The following SGCZ variants were observed in gnomAD, a reference collection of about 807,000 sequenced individuals.
SGCZ encodes zeta-sarcoglycan.
A neutral mutation model predicts 41.3 loss-of-function variants in SGCZ; 40 were observed. The observed-to-expected ratio is 0.97, with a 90% confidence interval of 0.75 to 1.26. The LOEUF (loss-of-function observed/expected upper bound fraction) is 1.26. Ranked by LOEUF, SGCZ falls within the 50% of genes most tolerant of loss-of-function variation. The probability of loss-of-function intolerance (pLI) is 0.00; values close to 1 mark genes in which losing one functional copy is unlikely to be tolerated. For missense variants in SGCZ, 552 were observed against 369.8 expected (o/e 1.49, Z -4.04); for synonymous variants, 206 against 137.5 (o/e 1.50, Z -3.49).
chr8:15,137,808 C>G (rs1414704859), intron 1 of SGCZ, among the ~76,000 whole-genome samples: 2 of 152,232 alleles, frequency 1.3e-5, no homozygotes, highest in Non-Finnish European at 1.5e-5. Flanking sequence ...TGGAGAACCT[C>G]TGCTAGGACA....
rs199830070 is a variant in SGCZ, at chr8:14,164,695, A to G, written c.432T>C (p.Asp144=). The G allele has an allele frequency of 6.2e-7, 1 of 1,613,516 alleles. No homozygotes were observed. Among genetic ancestry groups the G allele is most frequent in the East Asian group, 2.2e-5 (1 of 44,862 alleles). The change falls in exon 5 of 8, where the codon GAT becomes GAC. Residue 144 remains aspartate, a synonymous_variant. Transcript: ENST00000382080. ...QLTGQLTIGA[D]AVEAQCKRFE... ...ATCTTTTACACTGAGCTTCCACAGC[A>G]TCAGCTCCTATGGTCAGAGGAAAGG...
At chr8:14,801,008 G>A (rs1243837523) in intron 1 of SGCZ, among the ~76,000 whole-genome samples, 4 of 152,150 alleles carry the variant, frequency 2.6e-5, no homozygotes, top group Non-Finnish European at 5.9e-5. Flanking sequence ...CGAATACCAG[G>A]TTAACTTTAT....
chr8:14,963,810 CCTCTGTAGGAGAGAT>C (rs1024444613), intron 1 of SGCZ, among the ~76,000 whole-genome samples: 2 of 152,170 alleles, frequency 1.3e-5, no homozygotes, highest in African/African-American at 4.8e-5. Flanking sequence ...ACTGTTTATT[CCTCTGTAGGAGAGAT>C]CACTCATTGC....
At chr8:14,997,896 G>A (rs946427827) in intron 1 of SGCZ, among the ~76,000 whole-genome samples, 1 of 152,028 alleles carries the variant, frequency 6.6e-6, no homozygotes, top group African/African-American at 2.4e-5. Context: ...GGAGGCGGAG[G>A]TTGCAGTGAG....
intron 1 of SGCZ, among the ~76,000 whole-genome samples, chr8:15,141,374 T>C (rs550241921): frequency 6.6e-6 from 1 of 152,368 alleles, no homozygotes; most frequent in East Asian, 1.9e-4. Flanking sequence ...GTATAAATTC[T>C]TAGGGCGTCA....
rs571453397 is a variant in SGCZ, at chr8:15,081,955, A to C, written c.39+155630T>G. 4.6e-5 allele frequency among the ~76,000 whole-genome samples: 7 copies of C among 152,358 alleles called. No individual in the cohort carries two copies. In the East Asian group the frequency reaches 7.7e-4, roughly 17 times the overall value. ...GTTGAGATACTATAATGTCCTGTAC[A>C]GTTCTTTAGATTTGTTGCTTTTATT... On this transcript the variant is annotated intron_variant, in intron 1 of 7. Coordinates refer to ENST00000382080, the MANE Select transcript of SGCZ (RefSeq NM_139167.4).
chr8:14,819,394 T>C (rs1802004657), intron 1 of SGCZ, among the ~76,000 whole-genome samples: 1 of 152,164 alleles, frequency 6.6e-6, no homozygotes, highest in Admixed American at 6.5e-5. Context: ...CTTAAGCACT[T>C]TGTATATATC....
chr8:14,380,609 T>A (rs942777623), intron 2 of SGCZ, among the ~76,000 whole-genome samples: 4 of 152,092 alleles, frequency 2.6e-5, no homozygotes, highest in African/African-American at 9.7e-5. Flanking sequence ...ATCCCAGTAC[T>A]TTGGGAGGCC....
chr8:14,105,119 T>G lies in SGCZ; in HGVS notation c.621-2620A>C, dbSNP rs193177746. On this transcript the variant is annotated intron_variant, in intron 6 of 7. Coordinates refer to ENST00000382080, the MANE Select transcript of SGCZ (RefSeq NM_139167.4). ...ATGTCTTTGTTAACTATTTAACATGTTTTTTTTAGCCTTTTAAAATATAGA... is the reference window on the plus strand; with the variant it reads ...ATGTCTTTGTTAACTATTTAACATGGTTTTTTTAGCCTTTTAAAATATAGA... Among the ~76,000 whole-genome samples, 404 of 151,588 alleles carry G rather than the reference T, an allele frequency of 2.7e-3. 3 individuals are homozygous for G. The highest frequency in any genetic ancestry group is 4.5e-3 in the Non-Finnish European group (306 of 67,820).
At chr8:15,058,022 G>C (rs1585519744) in intron 1 of SGCZ, among the ~76,000 whole-genome samples, 1 of 152,056 alleles carries the variant, frequency 6.6e-6, no homozygotes, top group East Asian at 1.9e-4. Context: ...GATTCAAGGA[G>C]TCATTAAAAC....
chr8:14,352,699 C>T (rs1399754840), intron 2 of SGCZ, among the ~76,000 whole-genome samples: 1 of 152,026 alleles, frequency 6.6e-6, no homozygotes, highest in Non-Finnish European at 1.5e-5. Context: ...TTTCTTTTCT[C>T]AACTAGGGCA....
chr8:14,804,482 G>A (rs62493290), intron 1 of SGCZ, among the ~76,000 whole-genome samples: 48,724 of 88,408 alleles, frequency 0.55, 15,900 homozygotes, highest in African/African-American at 0.84. Flanking sequence ...GGTATCAGCA[G>A]TGGAAGATGA....
At chr8:14,446,266 A>C (rs975393767) in intron 2 of SGCZ, among the ~76,000 whole-genome samples, 1 of 152,138 alleles carries the variant, frequency 6.6e-6, no homozygotes, top group African/African-American at 2.4e-5. Context: ...TGACTCTAAC[A>C]CTGGTTTTAC....
intron 3 of SGCZ, among the ~76,000 whole-genome samples, chr8:14,296,108 A>G (rs1801002300): frequency 6.6e-6 from 1 of 152,136 alleles, no homozygotes; most frequent in African/African-American, 2.4e-5. Context: ...CTAAGGCTAC[A>G]CTAGTTGTAG....
chr8:14,104,128 G>C (rs985062136), intron 6 of SGCZ, among the ~76,000 whole-genome samples: 1 of 152,072 alleles, frequency 6.6e-6, no homozygotes, highest in Non-Finnish European at 1.5e-5. Context: ...CGTCTAAAAA[G>C]CCTGTTGAAA....
chr8:15,069,772 T>C (rs911536545), intron 1 of SGCZ, among the ~76,000 whole-genome samples: 1 of 152,208 alleles, frequency 6.6e-6, no homozygotes, highest in African/African-American at 2.4e-5. Context: ...ATATTCTAGA[T>C]TACTCATACA....
intron 1 of SGCZ, among the ~76,000 whole-genome samples, chr8:14,685,657 A>G (rs1808588413): frequency 6.6e-6 from 1 of 152,126 alleles, no homozygotes. Context: ...TATTTACAGT[A>G]TTATTCATTT....
intron 2 of SGCZ, among the ~76,000 whole-genome samples, chr8:14,398,303 A>G (rs73664343): frequency 6.6e-6 from 1 of 152,020 alleles, no homozygotes; most frequent in Admixed American, 6.6e-5. Context: ...TTCCTTAGCA[A>G]CATTGCTTGA....
intron 1 of SGCZ, among the ~76,000 whole-genome samples, chr8:14,808,926 T>C (rs937607407): frequency 2.6e-5 from 4 of 151,540 alleles, no homozygotes; most frequent in African/African-American, 9.7e-5. Flanking sequence ...TCATGTCCTT[T>C]GTAGGGACAT....
Sources: gnomAD v4.1 joint callset for allele counts (sites outside exome capture counted in the v4.1 genomes callset) on GRCh38, gnomAD v4.1.1 for gene constraint, MANE v1.5 for transcripts, NCBI Gene and HGNC (gene_info 2026-07-23, HGNC 2026-07-21) for gene names.